Variants in ZFP30 observed in about 807,000 individuals in gnomAD.
ZFP30 encodes the protein zinc finger protein 30 homolog.
Under a neutral mutation model 12.3 loss-of-function variants are expected in ZFP30, and 16 were observed. That is an observed-to-expected ratio of 1.30 (90% CI 0.88 to 1.98). The LOEUF (loss-of-function observed/expected upper bound fraction) is 1.98, where lower values mean the gene tolerates loss of function less well. Among genes scored for constraint, ZFP30 ranks in the 30% most tolerant of loss-of-function variants. The pLI is 0.00. For synonymous variants in ZFP30, 172 were observed against 201.0 expected (o/e 0.86, Z 1.22); for missense variants, 560 against 611.2 (o/e 0.92, Z 0.88).
In ZFP30 at chr19:37,632,642, T is replaced by G. The variant is rs2044250982; in HGVS notation, c.*2339A>C. The G allele has an allele frequency of 6.6e-6, 1 of 152,244 alleles. No individual in the cohort carries two copies. 9.4% of individuals were successfully genotyped at this position (152,244 alleles called of 1,614,324 possible). A position where few individuals can be genotyped will look rare whatever the true frequency, so the allele number is the denominator to read the frequency against. On this transcript the variant is annotated 3_prime_UTR_variant, in exon 6 of 6. Coordinates refer to ENST00000684514, the MANE Select transcript of ZFP30 (RefSeq NM_001320669.3). ...ATATATCTAAAATATTATTTCAATATGTACTCAATATGAAAAATTGAGATA... is the reference window on the plus strand; with the variant it reads ...ATATATCTAAAATATTATTTCAATAGGTACTCAATATGAAAAATTGAGATA...
At chr19:37,636,753 C>T (rs1777453585) in intron 5 of ZFP30, among the ~76,000 whole-genome samples, 1 of 151,892 alleles carries the variant, frequency 6.6e-6, no homozygotes, top group African/African-American at 2.4e-5. Context: ...CTCTGTCGCC[C>T]AGGTTGTAGT....
chr19:37,635,084 C>A lies in ZFP30; in HGVS notation c.1457G>T (p.Arg486Ile), dbSNP rs777324427. ...RLHSSLIQHQRIHSGEKPYKC... is the reference protein window; with the variant it reads ...RLHSSLIQHQIIHSGEKPYKC... ...GTATGGTTTCTCACCAGAATGAATT[C>A]TCTGATGTTGAATCAGTGATGAATG... Residue 486 changes from arginine (R) to isoleucine (I), a missense_variant, in exon 6 of 6, where the codon AGA (arginine) becomes ATA (isoleucine). Physicochemically the swap from Arg to Ile is moderately conservative, Grantham distance 97. Transcript: ENST00000684514. The A allele has an allele frequency of 3.1e-6, 5 of 1,613,476 alleles. No homozygotes were observed. The South Asian group carries it at 5.5e-5, about 18-fold the overall frequency.
intron 2 of ZFP30, 88 bp from the exon 3 acceptor site, chr19:37,647,987 A>G: frequency 1.5e-6 from 1 of 668,914 alleles, no homozygotes; most frequent in Non-Finnish European, 2.5e-6. Context: ...CCATTCCTAT[A>G]TGCAACTCCC....
At chr19:37,638,427 T>C (rs2044372054) in intron 5 of ZFP30, among the ~76,000 whole-genome samples, 1 of 152,222 alleles carries the variant, frequency 6.6e-6, no homozygotes, top group Non-Finnish European at 1.5e-5. Flanking sequence ...AAAGAGATGT[T>C]TTTTGCAAAT....
In ZFP30 at chr19:37,632,892, T is replaced by C. The variant is rs7254170; in HGVS notation, c.*2089A>G. On this transcript the variant is annotated 3_prime_UTR_variant, in exon 6 of 6. Transcript: ENST00000684514. Reference sequence around the variant, plus strand: ...ATTCTTTAAACATATGAAGTGAGAGTCGGGCATGGTGGCTCACGCCTGTAA... The same window carrying C: ...ATTCTTTAAACATATGAAGTGAGAGCCGGGCATGGTGGCTCACGCCTGTAA... 0.85 allele frequency: 129,401 copies of C among 152,362 alleles called. 55,308 individuals are homozygous for C. Among genetic ancestry groups the C allele is most frequent in the African/African-American group, 0.94 (39,158 of 41,570 alleles). The allele number at this position is 152,362 out of a possible 1,614,324, so 9.4% of individuals were successfully genotyped here.
At chr19:37,651,237 T>C (rs1317463641) in intron 2 of ZFP30, among the ~76,000 whole-genome samples, 1 of 152,160 alleles carries the variant, frequency 6.6e-6, no homozygotes, top group East Asian at 1.9e-4. Flanking sequence ...TATCATTAAT[T>C]CATTTCCCCG....
Position 37,635,298 on chromosome 19 carries a change from A to T in ZFP30, c.1243T>A (p.Cys415Ser). 1 of 1,614,076 alleles carries T rather than the reference A, an allele frequency of 6.2e-7. No homozygotes were observed. The highest frequency in any genetic ancestry group is 8.5e-7 in the Non-Finnish European group (1 of 1,179,964). The change falls in exon 6 of 6, where the codon TGT becomes AGT. Residue 415 changes from cysteine to serine, a missense_variant. Transcript: ENST00000684514. ...GAGAACAGCCTAAATGCCTTCCCAC[A>T]TTCCTTACATTCATAAGGTTTCTCT... ...IGEKPYECKECGKAFRLFSQL... is the reference protein window; with the variant it reads ...IGEKPYECKESGKAFRLFSQL...
rs761460098 is a variant in ZFP30, at chr19:37,635,296, ACATTCCTT to A, written c.1237_1244del (p.Lys413TrpfsTer5). The stretch of plus-strand genomic sequence containing the variant: ...GTGAGAACAGCCTAAATGCCTTCCC[ACATTCCTT>A]ACATTCATAAGGTTTCTCTCCAATG... On this transcript the variant is annotated frameshift_variant, in exon 6 of 6. Transcript: ENST00000684514. LOFTEE classifies it high-confidence loss of function. 1.8e-5 allele frequency: 29 copies of A among 1,614,124 alleles called. No homozygotes were observed. Among genetic ancestry groups the A allele is most frequent in the Non-Finnish European group, 4.2e-6 (5 of 1,179,974 alleles).
chr19:37,639,563 C>A (rs2044395840), intron 5 of ZFP30, among the ~76,000 whole-genome samples: 1 of 151,574 alleles, frequency 6.6e-6, no homozygotes, highest in African/African-American at 2.4e-5. Context: ...ACCAGCCTGG[C>A]CAATGTAATG....
intron 5 of ZFP30, among the ~76,000 whole-genome samples, chr19:37,642,756 T>C (rs1014631684): frequency 1.3e-5 from 2 of 151,828 alleles, no homozygotes; most frequent in African/African-American, 4.8e-5. Flanking sequence ...GGAAACAAGA[T>C]AGAAAAGAAA....
At chr19:37,642,400 C>T (rs1357839891) in intron 5 of ZFP30, among the ~76,000 whole-genome samples, 2 of 152,130 alleles carry the variant, frequency 1.3e-5, no homozygotes, top group African/African-American at 2.4e-5. Flanking sequence ...TATGTAATGA[C>T]GTTCAAATAG....
Position 37,635,597 on chromosome 19 carries a change from A to G in ZFP30, c.944T>C (p.Leu315Pro). The G allele has an allele frequency of 1.2e-6, 2 of 1,614,150 alleles. No individual in the cohort carries two copies. The highest frequency in any genetic ancestry group is 1.7e-6 in the Non-Finnish European group (2 of 1,180,034). The change falls in exon 6 of 6, where the codon CTA (leucine) becomes CCA (proline). Residue 315 changes from leucine to proline, a missense_variant. Physicochemically the swap from Leu to Pro is moderately conservative, Grantham distance 98. Coordinates refer to ENST00000684514, the MANE Select transcript of ZFP30 (RefSeq NM_001320669.3). ...QAFLCSTGLR[L>P]HHKLHTGEKP... is the part of the protein sequence containing the mutation. ...TTCTCCAGTATGAAGTTTGTGATGT[A>G]GTCGAAGGCCTGTACTACACAGAAA...
chr19:37,647,698 TG>T, intron 3 of ZFP30, 115 bp downstream of exon 3: 1 of 1,323,432 alleles, frequency 7.6e-7, no homozygotes, highest in Non-Finnish European at 1.1e-6. Context: ...TGGGGAAGAC[TG>T]GGGAGAAGCT....
rs1274789473 is a variant in ZFP30 at position 37,654,722 on chromosome 19, C to CT, written c.-89dup. The CT allele has an allele frequency of 1.3e-5, 2 of 152,334 alleles. No homozygotes were observed. Among genetic ancestry groups the CT allele is most frequent in the African/African-American group, 4.8e-5 (2 of 41,440 alleles). 9.4% of individuals were successfully genotyped at this position (152,334 alleles called of 1,614,324 possible). On this transcript the variant is annotated 5_prime_UTR_variant, in exon 2 of 6. Transcript: ENST00000684514. Reference sequence around the variant, plus strand: ...GCAGCACGAACTCACAGGGAACCGGCTTTTAGAAGAGCAGCAGCGATTCGT... The same window carrying CT: ...GCAGCACGAACTCACAGGGAACCGGCTTTTTAGAAGAGCAGCAGCGATTCGT...
chr19:37,644,543 C>CGAAAAG, intron 4 of ZFP30, 67 bp downstream of exon 4: 1 of 1,455,234 alleles, frequency 6.9e-7, no homozygotes, highest in South Asian at 1.5e-5. Context: ...TGGAAAAAAA[C>CGAAAAG]AAAGACAGCC....
At chr19:37,643,777 T>C (rs182846530) in intron 4 of ZFP30, among the ~76,000 whole-genome samples, 94 of 152,290 alleles carry the variant, frequency 6.2e-4, no homozygotes, top group African/African-American at 2.1e-3. Flanking sequence ...TTTGCTATTT[T>C]TTGATTTTTT....
At chr19:37,647,384 A>G (rs2044563902) in intron 3 of ZFP30, among the ~76,000 whole-genome samples, 1 of 152,158 alleles carries the variant, frequency 6.6e-6, no homozygotes, top group Admixed American at 6.5e-5. Flanking sequence ...AGTTGCCCCT[A>G]TACTGTTTTC....
rs2044273611 is a variant in ZFP30 at position 37,633,870 on chromosome 19, T to C, written c.*1111A>G. The stretch of plus-strand genomic sequence containing the variant: ...TATGAACAAAAGGACATTCCAGATA[T>C]ATCATCTCCTGTGTATAGACTTCAG... On this transcript the variant is annotated 3_prime_UTR_variant, in exon 6 of 6. Transcript: ENST00000684514. 1.3e-5 allele frequency: 2 copies of C among 152,208 alleles called. No individual in the cohort carries two copies. Among genetic ancestry groups the C allele is most frequent in the Non-Finnish European group, 2.9e-5 (2 of 68,038 alleles). 9.4% of individuals were successfully genotyped at this position (152,208 alleles called of 1,614,324 possible).
chr19:37,655,278 GA>G (rs1021322711), intron 1 of ZFP30, 141 bp downstream of exon 1: 3 of 152,294 alleles, frequency 2.0e-5, no homozygotes, highest in Non-Finnish European at 2.9e-5. Context: ...TCAGTCCCGG[GA>G]AAAAAAGCAC....
Sources: allele counts gnomAD v4.1 joint callset (sites outside exome capture counted in the v4.1 genomes callset), GRCh38; gene constraint gnomAD v4.1.1; transcripts MANE v1.5; gene names NCBI Gene and HGNC (gene_info 2026-07-23, HGNC 2026-07-21).